Variants in CELF2 observed in about 807,000 individuals in gnomAD.
The protein encoded by CELF2 is CUG triplet repeat RNA-binding protein 2.
In CELF2, 8 loss-of-function variants were observed where a neutral mutation model predicts 62.6. The ratio of observed to expected loss-of-function variants is 0.13; its 90% confidence interval spans 0.07 to 0.23. The LOEUF (loss-of-function observed/expected upper bound fraction) is 0.23. Ranked by LOEUF, CELF2 falls within the 10% of genes least tolerant of loss-of-function variation. The pLI is 1.00. For missense variants in CELF2, 333 were observed against 671.0 expected, an observed-to-expected ratio of 0.50 and a Z score of 5.56; for synonymous variants, 258 against 250.0, an observed-to-expected ratio of 1.03 and a Z score of -0.30.
chr10:10,959,680 T>C (rs754529037), intron 2 of CELF2, among the ~76,000 whole-genome samples: 4 of 152,216 alleles, frequency 2.6e-5, no homozygotes, highest in Non-Finnish European at 5.9e-5. Flanking sequence ...TATTCTATTT[T>C]TCCTCCTTGC....
rs1253368217 is a variant in CELF2 at position 11,246,043 on chromosome 10, C to T, written c.355-3110C>T. Among the ~76,000 whole-genome samples the T allele has an allele frequency of 6.6e-6, 1 of 152,178 alleles. No individual in the cohort carries two copies. Among genetic ancestry groups the T allele is most frequent in the Non-Finnish European group, 1.5e-5 (1 of 68,040 alleles). On this transcript the variant is annotated intron_variant, in intron 3 of 12. Transcript: ENST00000633077. This position sits in a 1 kb window ranked among gnomAD's most constrained non-coding sequence, Gnocchi z 4.6. ...CACTGACTGCGTGATTTCCAGGGTC[C>T]TTTACAGCTTTAGAGTATAGGGGCT...
the CELF2 span, among the ~76,000 whole-genome samples, chr10:10,662,726 G>T: frequency 2.6e-5 from 4 of 152,136 alleles, no homozygotes; most frequent in Admixed American, 6.5e-5. Context: ...AACCAGCAAT[G>T]GTGGAGGGAG....
intron 1 of CELF2, among the ~76,000 whole-genome samples, chr10:10,853,615 C>T (rs1469824433): frequency 6.6e-6 from 1 of 151,802 alleles, no homozygotes; most frequent in Non-Finnish European, 1.5e-5. Flanking sequence ...GTTAATGTCA[C>T]TTGCTCATGA....
At chr10:10,590,062 G>A in the CELF2 span, among the ~76,000 whole-genome samples, 5 of 152,284 alleles carry the variant, frequency 3.3e-5, no homozygotes, top group East Asian at 9.7e-4. Context: ...TTGTAGAGGT[G>A]AGGCCACTGT....
intron 1 of CELF2, among the ~76,000 whole-genome samples, chr10:10,845,571 G>A (rs1295135390): frequency 6.6e-6 from 1 of 152,106 alleles, no homozygotes. Context: ...ATCAAAGAGA[G>A]ATTCTAAAAG....
chr10:11,187,416 A>G (rs1286918448), intron 2 of CELF2, among the ~76,000 whole-genome samples: 3 of 152,252 alleles, frequency 2.0e-5, no homozygotes, highest in East Asian at 1.9e-4. Context: ...GTATCTGTCT[A>G]TTTAAAGTGC....
the CELF2 span, among the ~76,000 whole-genome samples, chr10:10,788,587 C>G: frequency 6.6e-6 from 1 of 151,468 alleles, no homozygotes; most frequent in African/African-American, 2.4e-5. Context: ...CTCTCCCTCC[C>G]AAGTAGCTGG....
At chr10:10,651,521 T>C in the CELF2 span, among the ~76,000 whole-genome samples, 1 of 121,822 alleles carries the variant, frequency 8.2e-6, no homozygotes, top group Non-Finnish European at 1.8e-5. Flanking sequence ...CAGCTGGAGA[T>C]CTGAGAACCA....
At chr10:10,753,400 T>G in the CELF2 span, among the ~76,000 whole-genome samples, 1 of 151,852 alleles carries the variant, frequency 6.6e-6, no homozygotes, top group African/African-American at 2.4e-5. Flanking sequence ...AACAGAGTGA[T>G]TCACAAAAAA....
In CELF2 at chr10:11,301,685, G is replaced by T. The variant is rs942847181; in HGVS notation, c.977-12454G>T. On this transcript the variant is annotated intron_variant, in intron 9 of 12. Transcript: ENST00000633077. The stretch of plus-strand genomic sequence containing the variant: ...GCCCTGCTTCTGAGCTGCATCAGAG[G>T]AACGGAGGGGTTCTCTGGCCCTGGC... Among the ~76,000 whole-genome samples, 54 of 150,660 alleles carry T rather than the reference G, an allele frequency of 3.6e-4. 1 individual carries two copies. The highest frequency in any genetic ancestry group is 1.3e-3 in the African/African-American group (54 of 40,872).
rs190101868 is a variant in CELF2 at position 11,306,270 on chromosome 10, A to T, written c.977-7869A>T. ...ACATTTATAGACCGCACCTCTCCTG[A>T]GATGCTCCTTTGGCATTTTGTAAAA... On this transcript the variant is annotated intron_variant, in intron 9 of 12. Coordinates refer to ENST00000633077, the MANE Select transcript of CELF2 (RefSeq NM_001326342.2). The surrounding 1 kb of genome is among the most constrained non-coding windows in gnomAD (Gnocchi z 4.4). Among the ~76,000 whole-genome samples, 3 of 151,992 alleles carry T rather than the reference A, an allele frequency of 2.0e-5. No individual in the cohort carries two copies. In the East Asian group the frequency reaches 5.8e-4, roughly 30 times the overall value.
rs938460562 is a variant in CELF2 at position 11,335,738 on chromosome 10, A to G, written c.*6685A>G. The G allele has an allele frequency of 6.6e-6, 1 of 151,796 alleles. No individual in the cohort carries two copies. The highest frequency in any genetic ancestry group is 1.5e-5 in the Non-Finnish European group (1 of 67,942). 9.4% of individuals were successfully genotyped at this position (151,796 alleles called of 1,614,324 possible). A position where few individuals can be genotyped will look rare whatever the true frequency, so the allele number is the denominator to read the frequency against. ...AGGTGGGAGGGGGATGTTGGGAGGC[A>G]TGGGGGGTGATTAAATTATCATTTC... On this transcript the variant is annotated 3_prime_UTR_variant, in exon 13 of 13. Transcript: ENST00000633077. This position sits in a 1 kb window ranked among gnomAD's most constrained non-coding sequence, Gnocchi z 5.0.
upstream of CELF2, chr10:11,005,297 A>AGAG: frequency 6.8e-7 from 1 of 1,462,518 alleles, no homozygotes; most frequent in Non-Finnish European, 9.1e-7. This position sits in a 1 kb window ranked among gnomAD's most constrained non-coding sequence, Gnocchi z 4.3. Flanking sequence ...AGAGAGAGGG[A>AGAG]GGAGAGGGCG....
At chr10:11,094,727 C>T (rs1169513928) in intron 1 of CELF2, among the ~76,000 whole-genome samples, 1 of 152,194 alleles carries the variant, frequency 6.6e-6, no homozygotes, top group Non-Finnish European at 1.5e-5. Flanking sequence ...GTTAGAGTGT[C>T]CGTCATTTGG....
Position 11,098,497 on chromosome 10 carries a change from A to C in CELF2, c.75-66989A>C, listed in dbSNP as rs758174740. On this transcript the variant is annotated intron_variant, in intron 1 of 12. Coordinates refer to ENST00000633077, the MANE Select transcript of CELF2 (RefSeq NM_001326342.2). This position sits in a 1 kb window ranked among gnomAD's most constrained non-coding sequence, Gnocchi z 4.0. ...AGCCTTGAAAAAGGAATCACAGAGG[A>C]AAGGGCAGTTAGGGAAGAAATGAGG... is the stretch of plus-strand genomic sequence containing the variant. 5.9e-5 allele frequency: 9 copies of C among 152,246 alleles called. No individual in the cohort carries two copies. Among genetic ancestry groups the C allele is most frequent in the Non-Finnish European group, 1.3e-4 (9 of 68,072 alleles). 9.4% of individuals were successfully genotyped at this position (152,246 alleles called of 1,614,324 possible).
the CELF2 span, among the ~76,000 whole-genome samples, chr10:10,659,568 C>T: frequency 7.2e-5 from 11 of 152,130 alleles, no homozygotes; most frequent in African/African-American, 2.7e-4. Context: ...GGTGAATTTT[C>T]TAGTTCATAC....
the CELF2 span, among the ~76,000 whole-genome samples, chr10:10,735,012 G>A: frequency 3.3e-5 from 5 of 152,168 alleles, no homozygotes; most frequent in Non-Finnish European, 2.9e-5. Flanking sequence ...ACCTTTTCCT[G>A]CCAGTTGTTA....
At chr10:10,798,445 G>T (rs1237817974), upstream of CELF2, 2 of 257,262 alleles carry the variant, frequency 7.8e-6, no homozygotes, top group African/African-American at 2.2e-5. Context: ...AGCCAAGGAG[G>T]ACGGTGTTAA....
In CELF2 at chr10:11,011,757, GA is replaced by G. The variant is rs746844295; in HGVS notation, c.53+6325del. Reference sequence around the variant, plus strand: ...CTTTGGGTAGTTCTTTTAAGAGAAAGAAAAAAAATTTCCCCTAATGGACTTC... The same window carrying G: ...CTTTGGGTAGTTCTTTTAAGAGAAAGAAAAAAATTTCCCCTAATGGACTTC... On this transcript the variant is annotated intron_variant, in intron 1 of 12. Transcript: ENST00000416382. The surrounding 1 kb of genome is among the most constrained non-coding windows in gnomAD (Gnocchi z 4.6). Among the ~76,000 whole-genome samples, 1 of 151,778 alleles carries G rather than the reference GA, an allele frequency of 6.6e-6. No homozygotes were observed. The highest frequency in any genetic ancestry group is 1.5e-5 in the Non-Finnish European group (1 of 67,924).
Sources: allele counts gnomAD v4.1 joint callset (sites outside exome capture counted in the v4.1 genomes callset), GRCh38; gene constraint gnomAD v4.1.1; non-coding constraint Gnocchi (gnomAD v3.1); transcripts MANE v1.5; gene names NCBI Gene and HGNC (gene_info 2026-07-23, HGNC 2026-07-21).